The following PALM2AKAP2 variants were observed in gnomAD, a reference collection of about 807,000 sequenced individuals.
The protein encoded by PALM2AKAP2 is PALM2-AKAP2 fusion protein.
Under a neutral mutation model 71.5 loss-of-function variants are expected in PALM2AKAP2, and 37 were observed. The ratio of observed to expected loss-of-function variants is 0.52; its 90% CI spans 0.40 to 0.68. The LOEUF (loss-of-function observed/expected upper bound fraction) is 0.68, where lower values mean the gene tolerates loss of function less well. Among genes scored for constraint, PALM2AKAP2 ranks in the 30% least tolerant of loss-of-function variants. The probability of loss-of-function intolerance (pLI) is 0.00; values close to 1 mark genes in which losing one functional copy is unlikely to be tolerated. For missense variants in PALM2AKAP2, 1,224 were observed against 1,191.8 expected (o/e 1.03, Z -0.40); for synonymous variants, 468 against 478.8 (o/e 0.98, Z 0.29).
At chr9:109,728,691 G>A (rs1402418964) in intron 1 of PALM2AKAP2, among the ~76,000 whole-genome samples, 1 of 152,126 alleles carries the variant, frequency 6.6e-6, no homozygotes, top group Non-Finnish European at 1.5e-5. Flanking sequence ...TTATCCAAGG[G>A]ATAAGTTTTA....
chr9:109,719,749 T>C (rs1828378583), intron 1 of PALM2AKAP2, among the ~76,000 whole-genome samples: 1 of 152,124 alleles, frequency 6.6e-6, no homozygotes, highest in Non-Finnish European at 1.5e-5. Context: ...ATACTTAGAT[T>C]CTCTAAACTA....
At chr9:109,985,821 T>G (rs146657323) in intron 6 of PALM2AKAP2, among the ~76,000 whole-genome samples, 2,620 of 152,182 alleles carry the variant, frequency 0.017, 69 homozygotes, top group African/African-American at 0.061. Flanking sequence ...GGCTAATTTT[T>G]GTATTGTTAG....
chr9:109,933,725 T>C (rs1342580316), intron 6 of PALM2AKAP2, among the ~76,000 whole-genome samples: 1 of 152,224 alleles, frequency 6.6e-6, no homozygotes, highest in Non-Finnish European at 1.5e-5. Context: ...TCAAAGTAAT[T>C]TTACATATGT....
At chr9:109,933,259 T>C (rs992656827) in intron 6 of PALM2AKAP2, among the ~76,000 whole-genome samples, 4 of 152,236 alleles carry the variant, frequency 2.6e-5, no homozygotes, top group Non-Finnish European at 4.4e-5. Flanking sequence ...CACTTTAACA[T>C]TGGACTCTTT....
intron 1 of PALM2AKAP2, among the ~76,000 whole-genome samples, chr9:109,677,944 A>G (rs1827671803): frequency 6.6e-6 from 1 of 152,210 alleles, no homozygotes; most frequent in African/African-American, 2.4e-5. Context: ...GCTGGGCAAA[A>G]TTAGTACCCG....
chr9:109,642,990 C>T (rs1221424724), intron 1 of PALM2AKAP2, among the ~76,000 whole-genome samples: 1 of 150,492 alleles, frequency 6.6e-6, no homozygotes, highest in Non-Finnish European at 1.5e-5. Flanking sequence ...CACCACTGCA[C>T]TGGGTGACAG....
intron 2 of PALM2AKAP2, among the ~76,000 whole-genome samples, chr9:110,151,590 C>G (rs993888399): frequency 2.6e-5 from 4 of 152,176 alleles, no homozygotes. Context: ...TCCTACAAAG[C>G]TAAGGTCACA....
At chr9:109,701,009 G>A (rs976335237) in intron 1 of PALM2AKAP2, among the ~76,000 whole-genome samples, 1 of 152,138 alleles carries the variant, frequency 6.6e-6, no homozygotes, top group Admixed American at 6.5e-5. Context: ...AAGCTGAAAT[G>A]CAACATTTTG....
At chr9:109,654,584 C>G (rs568367690) in intron 1 of PALM2AKAP2, among the ~76,000 whole-genome samples, 3 of 152,166 alleles carry the variant, frequency 2.0e-5, no homozygotes, top group Non-Finnish European at 4.4e-5. Context: ...TCACTCCCAG[C>G]CTTCATCAGC....
intron 1 of PALM2AKAP2, among the ~76,000 whole-genome samples, chr9:109,739,253 T>C (rs1828682548): frequency 6.6e-6 from 1 of 152,158 alleles, no homozygotes. Context: ...GCATTGAAAT[T>C]TATTTAAGAA....
intron 1 of PALM2AKAP2, among the ~76,000 whole-genome samples, chr9:109,678,748 T>C (rs944016587): frequency 6.6e-6 from 1 of 152,202 alleles, no homozygotes; most frequent in Admixed American, 6.5e-5. Context: ...TTTTCTTTTT[T>C]TCTGGCCGGA....
intron 6 of PALM2AKAP2, among the ~76,000 whole-genome samples, chr9:110,005,222 G>C (rs1832754884): frequency 6.6e-6 from 1 of 152,198 alleles, no homozygotes. Flanking sequence ...TGTCCTTGCT[G>C]TTTGTTAGTT....
chr9:109,807,446 C>A (rs539596105), intron 1 of PALM2AKAP2, among the ~76,000 whole-genome samples: 1 of 152,068 alleles, frequency 6.6e-6, no homozygotes, highest in Non-Finnish European at 1.5e-5. Context: ...AAGTCCAAGA[C>A]CAAGGCATTA....
At chr9:109,707,537 A>C (rs1032307296) in intron 1 of PALM2AKAP2, among the ~76,000 whole-genome samples, 1 of 152,174 alleles carries the variant, frequency 6.6e-6, no homozygotes, top group Non-Finnish European at 1.5e-5. Context: ...AGTGCAAGGC[A>C]TGGCCACACT....
At chr9:110,093,223 C>T (rs1834757030) in intron 1 of PALM2AKAP2, among the ~76,000 whole-genome samples, 1 of 150,822 alleles carries the variant, frequency 6.6e-6, no homozygotes, top group African/African-American at 2.4e-5. Flanking sequence ...GCAAAAGTTT[C>T]AGAATTGATA....
At chr9:110,128,024 C>A in intron 1 of PALM2AKAP2, 1 of 152,356 alleles carries the variant, frequency 6.6e-6, no homozygotes, top group Non-Finnish European at 1.5e-5. Flanking sequence ...TAGTGTTGAC[C>A]TGTTCAACTT....
intron 1 of PALM2AKAP2, among the ~76,000 whole-genome samples, chr9:109,669,402 T>C (rs556351726): frequency 2.8e-4 from 43 of 152,192 alleles, no homozygotes; most frequent in Admixed American, 2.8e-3. Context: ...ATTGTTGTAA[T>C]TTTTTTTCTT....
intron 1 of PALM2AKAP2, among the ~76,000 whole-genome samples, chr9:109,669,833 A>G (rs1271243660): frequency 2.0e-5 from 3 of 151,682 alleles, no homozygotes; most frequent in Non-Finnish European, 2.9e-5. Flanking sequence ...TTTTCTATTA[A>G]TTTTAAGAGA....
intron 3 of PALM2AKAP2, among the ~76,000 whole-genome samples, chr9:109,882,173 G>A (rs1463119002): frequency 1.3e-5 from 2 of 152,148 alleles, no homozygotes; most frequent in Admixed American, 6.5e-5. Context: ...ATGAACCACC[G>A]CACCTGGCAT....
Sources: allele counts gnomAD v4.1 joint callset (sites outside exome capture counted in the v4.1 genomes callset), GRCh38; gene constraint gnomAD v4.1.1; transcripts MANE v1.5; gene names NCBI Gene and HGNC (gene_info 2026-07-23, HGNC 2026-07-21).